The following STK32B variants were observed in gnomAD, a reference collection of about 807,000 sequenced individuals.
The protein encoded by STK32B is serine/threonine kinase 32B, also known as serine/threonine-protein kinase 32B.
In STK32B, 43 loss-of-function variants were observed where a neutral mutation model predicts 52.6. The ratio of observed to expected loss-of-function variants is 0.82; its 90% CI spans 0.64 to 1.05. The LOEUF is 1.05. STK32B is among the 50% of genes least tolerant of loss of function. The pLI, the probability that STK32B is intolerant of heterozygous loss-of-function variation, is 0.00. For missense variants in STK32B, 621 were observed against 534.6 expected (o/e 1.16, Z -1.59); for synonymous variants, 238 against 204.3 (o/e 1.17, Z -1.41).
chr4:5,466,880 A>C, intron 10 of STK32B, 46 bp downstream of exon 10: 1 of 1,591,294 alleles, frequency 6.3e-7, no homozygotes, highest in Non-Finnish European at 8.6e-7. Context: ...TCCTGTGCTC[A>C]TAGGGAAATG....
At chr4:5,112,579 T>A (rs555732956) in intron 1 of STK32B, among the ~76,000 whole-genome samples, 1 of 152,276 alleles carries the variant, frequency 6.6e-6, no homozygotes, top group Admixed American at 6.5e-5. Context: ...GCCACCCACA[T>A]AGGGAGTCAG....
Position 5,463,287 on chromosome 4 carries a change from G to A in STK32B, c.909+3059G>A, listed in dbSNP as rs114373403. On this transcript the variant is annotated intron_variant, in intron 9 of 11. Transcript: ENST00000282908. ...CAAATTGCCTAATTAGCACTTCCTC[G>A]AGTGCTGTCTGAGCCTTCCCTGAGG... 6.7e-3 allele frequency among the ~76,000 whole-genome samples: 1,013 copies of A among 152,262 alleles called. 13 individuals are homozygous for A. Among genetic ancestry groups the A allele is most frequent in the African/African-American group, 0.022 (911 of 41,562 alleles).
At chr4:5,321,484 G>A (rs947350918) in intron 3 of STK32B, among the ~76,000 whole-genome samples, 2 of 152,126 alleles carry the variant, frequency 1.3e-5, no homozygotes, top group African/African-American at 4.8e-5. Context: ...ATTGCCCTTT[G>A]CTTTCTTTCC....
intron 4 of STK32B, among the ~76,000 whole-genome samples, chr4:5,379,223 C>T (rs1438333176): frequency 3.3e-5 from 5 of 152,244 alleles, no homozygotes; most frequent in African/African-American, 4.8e-5. Context: ...CCCGTGGCAT[C>T]GGCCTTTGTG....
intron 3 of STK32B, among the ~76,000 whole-genome samples, chr4:5,261,928 G>A (rs575847430): frequency 3.3e-5 from 5 of 152,126 alleles, no homozygotes; most frequent in Admixed American, 6.5e-5. Context: ...ATTAAAAACT[G>A]CAAATATAAT....
intron 3 of STK32B, among the ~76,000 whole-genome samples, chr4:5,253,747 C>T (rs1378675425): frequency 6.6e-6 from 1 of 152,140 alleles, no homozygotes; most frequent in Non-Finnish European, 1.5e-5. Context: ...GTTAACACTA[C>T]TGAACTGTAC....
At chr4:5,256,975 A>G (rs1349654060) in intron 3 of STK32B, among the ~76,000 whole-genome samples, 1 of 152,152 alleles carries the variant, frequency 6.6e-6, no homozygotes, top group African/African-American at 2.4e-5. Context: ...GAGTGGATGA[A>G]TAAGTGGGTG....
intron 1 of STK32B, among the ~76,000 whole-genome samples, chr4:5,088,463 A>G (rs1330545175): frequency 6.6e-6 from 1 of 152,132 alleles, no homozygotes; most frequent in African/African-American, 2.4e-5. Flanking sequence ...ATATAATTGG[A>G]TTTTTAGTAA....
chr4:5,121,314 C>T (rs1041742270), intron 1 of STK32B, among the ~76,000 whole-genome samples: 1 of 152,106 alleles, frequency 6.6e-6, no homozygotes, highest in Non-Finnish European at 1.5e-5. Flanking sequence ...TTATTCACTC[C>T]TTGGTCAATG....
intron 4 of STK32B, among the ~76,000 whole-genome samples, chr4:5,366,724 T>C (rs913033555): frequency 7.2e-5 from 11 of 152,236 alleles, no homozygotes; most frequent in Non-Finnish European, 1.6e-4. Context: ...GTCAAAATCC[T>C]GACCTTGTCT....
chr4:5,413,518 A>G (rs1364450278), intron 5 of STK32B, among the ~76,000 whole-genome samples: 1 of 152,218 alleles, frequency 6.6e-6, no homozygotes. Flanking sequence ...ACACTGTCCA[A>G]AGACAAAGGA....
intron 4 of STK32B, among the ~76,000 whole-genome samples, chr4:5,370,742 C>T (rs907699009): frequency 6.6e-6 from 1 of 152,012 alleles, no homozygotes; most frequent in African/African-American, 2.4e-5. Context: ...CCTGTAATCC[C>T]AGCACTTTGG....
chr4:5,108,043 C>T (rs945453739), intron 1 of STK32B, among the ~76,000 whole-genome samples: 1 of 152,180 alleles, frequency 6.6e-6, no homozygotes, highest in South Asian at 2.1e-4. Context: ...CCCTCTCATA[C>T]TCTTTTCCAT....
chr4:5,177,989 A>G (rs530696005), intron 3 of STK32B, among the ~76,000 whole-genome samples: 1 of 152,308 alleles, frequency 6.6e-6, no homozygotes, highest in African/African-American at 2.4e-5. Context: ...TGTATCTGCC[A>G]TTCTGGGGTC....
intron 11 of STK32B, among the ~76,000 whole-genome samples, chr4:5,477,970 G>T (rs1286232257): frequency 6.6e-6 from 1 of 152,110 alleles, no homozygotes. Context: ...GCCAGCTGAG[G>T]CGGAAAAGCT....
intron 3 of STK32B, among the ~76,000 whole-genome samples, chr4:5,288,222 G>A (rs568979535): frequency 6.6e-6 from 1 of 152,206 alleles, no homozygotes; most frequent in Admixed American, 6.5e-5. Flanking sequence ...GTTTTTGTGT[G>A]GGCATGTTTT....
intron 3 of STK32B, among the ~76,000 whole-genome samples, chr4:5,261,783 A>G (rs1726729052): frequency 6.6e-6 from 1 of 152,160 alleles, no homozygotes; most frequent in Non-Finnish European, 1.5e-5. Flanking sequence ...TACTATGACT[A>G]CTACTATTGC....
chr4:5,116,583 G>C (rs1356912233), intron 1 of STK32B, among the ~76,000 whole-genome samples: 1 of 152,114 alleles, frequency 6.6e-6, no homozygotes, highest in Non-Finnish European at 1.5e-5. Flanking sequence ...GATGCCTCCA[G>C]CTTTGTTCTT....
intron 6 of STK32B, among the ~76,000 whole-genome samples, chr4:5,443,679 G>C (rs969008728): frequency 2.9e-4 from 44 of 152,028 alleles, no homozygotes; most frequent in Admixed American, 2.2e-3. Flanking sequence ...GAGGCGCTCT[G>C]CTTTTTAGAG....
Sources: gnomAD v4.1 joint callset for allele counts (sites outside exome capture counted in the v4.1 genomes callset) on GRCh38, gnomAD v4.1.1 for gene constraint, MANE v1.5 for transcripts, NCBI Gene and HGNC (gene_info 2026-07-23, HGNC 2026-07-21) for gene names.